ALKBH7: variants seen among roughly 807,000 people sequenced by gnomAD.
The protein encoded by ALKBH7 is alkB homolog 7, RNA demethylase.
A neutral mutation model predicts 19.3 loss-of-function variants in ALKBH7; 21 were observed. The observed-to-expected ratio is 1.09, with a 90% CI of 0.77 to 1.56. ALKBH7 has a LOEUF of 1.56. Among genes scored for constraint, ALKBH7 ranks in the 40% most tolerant of loss-of-function variants. The pLI is 0.00. For synonymous variants in ALKBH7, 147 were observed against 139.5 expected (o/e 1.05, Z -0.38); for missense variants, 354 against 311.4 (o/e 1.14, Z -1.03).
chr19:6,373,598 G>T, intron 1 of ALKBH7: 13 of 1,225,888 alleles, frequency 1.1e-5, no homozygotes, highest in Non-Finnish European at 1.2e-5. Flanking sequence ...AGCTTGGGGC[G>T]GGGTCCGTGG....
At position 6,375,249 on chromosome 19, in the gene ALKBH7, G is replaced by A. The variant is rs949700043; in HGVS notation, c.*276G>A. ...CAGGTCTCCAATAAATAAGTCAGCC[G>A]AGCTCCCCCAGCACTGCAGCTTCTG... On this transcript the variant is annotated 3_prime_UTR_variant, in exon 4 of 4. Transcript: ENST00000245812. 5.0e-6 allele frequency: 7 copies of A among 1,393,868 alleles called. No individual in the cohort carries two copies. The African/African-American group carries it at 6.0e-5, about 12-fold the overall frequency. The allele number at this position is 1,393,868 out of a possible 1,614,324, so 86.3% of individuals were successfully genotyped here.
At position 6,372,800 on chromosome 19, in the gene ALKBH7, T is replaced by A; in HGVS notation, c.-21T>A. On this transcript the variant is annotated 5_prime_UTR_variant, in exon 1 of 4. Coordinates refer to ENST00000245812, the MANE Select transcript of ALKBH7 (RefSeq NM_032306.4). ...GGGCGTTCCCCAACCCTGCCCTCTCTCATGACCCCGCTCCGGGATTATGGC... is the reference window on the plus strand; with the variant it reads ...GGGCGTTCCCCAACCCTGCCCTCTCACATGACCCCGCTCCGGGATTATGGC... 6.5e-7 allele frequency: 1 copy of A among 1,535,852 alleles called. No homozygotes were observed. The highest frequency in any genetic ancestry group is 1.4e-5 in the African/African-American group (1 of 73,092).
At position 6,374,896 on chromosome 19, in the gene ALKBH7, C is replaced by G. The variant is rs377096824; in HGVS notation, c.589C>G (p.Arg197Gly). 10 of 1,613,968 alleles carry G rather than the reference C, an allele frequency of 6.2e-6. No homozygotes were observed. The African/African-American group carries it at 1.1e-4, about 17-fold the overall frequency. ...GGAACGCCGGATTCCCCGGGGCCGG[C>G]GCATCTCCGTGATCTGCCGCTCCCT... ...FGERRIPRGR[R>G]ISVICRSLPE... is the part of the protein sequence containing the mutation. The change falls in exon 4 of 4, where the codon CGC becomes GGC. Residue 197 changes from arginine (R) to glycine (G), a missense_variant. Arg to Gly is a moderately radical substitution (Grantham distance 125). Coordinates refer to ENST00000245812, the MANE Select transcript of ALKBH7 (RefSeq NM_032306.4).
Position 6,373,672 on chromosome 19 carries a change from A to T in ALKBH7, c.205-531A>T. On this transcript the variant is annotated intron_variant, in intron 1 of 3. Transcript: ENST00000245812. ...GGGACGGGGAAGTCGAGGTTTAGAGAGGGCAGAACCACGCTGGGGGCGGAG... is the reference window on the plus strand; with the variant it reads ...GGGACGGGGAAGTCGAGGTTTAGAGTGGGCAGAACCACGCTGGGGGCGGAG... The T allele has an allele frequency of 2.5e-5, 28 of 1,133,740 alleles. 1 individual carries two copies. Among genetic ancestry groups the T allele is most frequent in the Non-Finnish European group, 3.0e-5 (28 of 939,496 alleles). The allele number at this position is 1,133,740 out of a possible 1,614,324, so 70.2% of individuals were successfully genotyped here.
intron 1 of ALKBH7, 36 bp from the exon 2 acceptor site, chr19:6,374,167 T>C: frequency 6.3e-7 from 1 of 1,598,582 alleles, no homozygotes; most frequent in Non-Finnish European, 8.5e-7. Flanking sequence ...TTGTTCCCTC[T>C]GGGAGCTCCC....
Position 6,372,872 on chromosome 19 carries a change from G to A in ALKBH7, c.52G>A (p.Val18Met), listed in dbSNP as rs2091897485. Residue 18 changes from valine to methionine, a missense_variant, in exon 1 of 4, where the codon GTG (valine) becomes ATG (methionine). Transcript: ENST00000245812. ...GCGGACGCTGCCAGGGCCCAGCTGG[G>A]TGCGAGGCTCGGGCCCTTCCGTGCT... ...ALRTLPGPSW[V>M]RGSGPSVLSR... 6.4e-7 allele frequency: 1 copy of A among 1,550,964 alleles called. No homozygotes were observed. Among genetic ancestry groups the A allele is most frequent in the Non-Finnish European group, 8.7e-7 (1 of 1,151,276 alleles).
At chr19:6,373,626 G>A (rs1283726098) in intron 1 of ALKBH7, 2 of 1,250,838 alleles carry the variant, frequency 1.6e-6, no homozygotes, top group Admixed American at 4.1e-5. Context: ...CGCCGGGATG[G>A]GTTGGGGCCA....
In ALKBH7 at chr19:6,374,196, T is replaced by C; in HGVS notation, c.205-7T>C. ...AGCTCCCAGGCTTAACCGAGCTCTC[T>C]GTGCAGGCCATCCACGGCTTCCGAG... On this transcript the variant is annotated splice_region_variant and splice_polypyrimidine_tract_variant and intron_variant, in intron 1 of 3. Transcript: ENST00000245812. 1 of 1,611,278 alleles carries C rather than the reference T, an allele frequency of 6.2e-7. No homozygotes were observed. Among genetic ancestry groups the C allele is most frequent in the Non-Finnish European group, 8.5e-7 (1 of 1,179,224 alleles).
chr19:6,374,576 C>G lies in ALKBH7; in HGVS notation c.490C>G (p.Leu164Val), dbSNP rs1361365296. ...GGAACTCTTGCTGGAGCCGGGCTCCCTCTACATCCTTAGGTACCTCCATCC... is the reference window on the plus strand; with the variant it reads ...GGAACTCTTGCTGGAGCCGGGCTCCGTCTACATCCTTAGGTACCTCCATCC... ...WLELLLEPGSLYILRGSARYD... is the reference protein window; with the variant it reads ...WLELLLEPGSVYILRGSARYD... Residue 164 changes from leucine (L) to valine (V), a missense_variant, in exon 3 of 4, where the codon CTC becomes GTC. Transcript: ENST00000245812. 6.2e-7 allele frequency: 1 copy of G among 1,613,306 alleles called. No homozygotes were observed. Among genetic ancestry groups the G allele is most frequent in the Admixed American group, 1.7e-5 (1 of 59,992 alleles).
In ALKBH7 at chr19:6,375,049, C is replaced by T; in HGVS notation, c.*76C>T. On this transcript the variant is annotated 3_prime_UTR_variant, in exon 4 of 4. Coordinates refer to ENST00000245812, the MANE Select transcript of ALKBH7 (RefSeq NM_032306.4). The stretch of plus-strand genomic sequence containing the variant: ...CAGCCTAACTGGGACATTGCAGTGG[C>T]TGCTTGCTGGGGCCGGGATTTGCAG... 1 of 1,498,604 alleles carries T rather than the reference C, an allele frequency of 6.7e-7. No homozygotes were observed. The highest frequency in any genetic ancestry group is 8.9e-7 in the Non-Finnish European group (1 of 1,125,836). The allele number at this position is 1,498,604 out of a possible 1,614,324, so 92.8% of individuals were successfully genotyped here. A position where few individuals can be genotyped will look rare whatever the true frequency, so the allele number is the denominator to read the frequency against.
intron 2 of ALKBH7, 37 bp downstream of exon 2, chr19:6,374,413 G>A: frequency 6.2e-7 from 1 of 1,604,064 alleles, no homozygotes; most frequent in Non-Finnish European, 8.5e-7. Context: ...TCCCAGCCAG[G>A]GGGTAGGCAG....
At chr19:6,374,169 G>T (rs941335720) in intron 1 of ALKBH7, 34 bp from the exon 2 acceptor site, 3 of 1,597,850 alleles carry the variant, frequency 1.9e-6, no homozygotes, top group Non-Finnish European at 2.6e-6. Flanking sequence ...GTTCCCTCTG[G>T]GAGCTCCCAG....
chr19:6,373,056 G>T, intron 1 of ALKBH7, 32 bp downstream of exon 1: 1 of 1,535,732 alleles, frequency 6.5e-7, no homozygotes, highest in East Asian at 2.4e-5. Context: ...GCGAGGGACG[G>T]GGGCTCGTCG....
rs1444165041 is a variant in ALKBH7, at chr19:6,374,944, G to T, written c.637G>T (p.Glu213Ter). 6.2e-7 allele frequency: 1 copy of T among 1,607,802 alleles called. No homozygotes were observed. The highest frequency in any genetic ancestry group is 1.3e-5 in the African/African-American group (1 of 74,846). Residue 213 changes from glutamate (E) to a stop codon, truncating the protein, a stop_gained, in exon 4 of 4, where the codon GAG becomes TAG. Coordinates refer to ENST00000245812, the MANE Select transcript of ALKBH7 (RefSeq NM_032306.4). LOFTEE classifies it high-confidence loss of function. ...CCTCCCTGAGGGCATGGGGCCAGGG[G>T]AGTCTGGACAGCCGCCCCCAGCCTG... ...RSLPEGMGPG[E>*]SGQPPPAC
chr19:6,372,802 A>G lies in ALKBH7; in HGVS notation c.-19A>G. ...GCGTTCCCCAACCCTGCCCTCTCTCATGACCCCGCTCCGGGATTATGGCCG... is the reference window on the plus strand; with the variant it reads ...GCGTTCCCCAACCCTGCCCTCTCTCGTGACCCCGCTCCGGGATTATGGCCG... On this transcript the variant is annotated 5_prime_UTR_variant, in exon 1 of 4. The change abolishes an upstream ATG in the 5' untranslated region. Transcript: ENST00000245812. The G allele has an allele frequency of 6.5e-7, 1 of 1,536,242 alleles. No individual in the cohort carries two copies. Among genetic ancestry groups the G allele is most frequent in the Non-Finnish European group, 8.7e-7 (1 of 1,146,852 alleles).
At chr19:6,373,585 C>T (rs2091903634) in intron 1 of ALKBH7, 1 of 1,192,480 alleles carries the variant, frequency 8.4e-7, no homozygotes. Flanking sequence ...TGGGGCGGGG[C>T]CAAGCTTGGG....
At chr19:6,374,399 G>A (rs371738139) in intron 2 of ALKBH7, 23 bp downstream of exon 2, 12 of 1,603,288 alleles carry the variant, frequency 7.5e-6, no homozygotes, top group Non-Finnish European at 1.0e-5. Context: ...CGGTGCCTTG[G>A]CACTCCCAGC....
intron 1 of ALKBH7, chr19:6,373,577 G>T: frequency 8.6e-7 from 1 of 1,166,542 alleles, no homozygotes; most frequent in South Asian, 3.7e-5. Context: ...CGCATGGATG[G>T]GGCGGGGCCA....
chr19:6,375,227 G>T lies in ALKBH7; in HGVS notation c.*254G>T. 1 of 1,381,102 alleles carries T rather than the reference G, an allele frequency of 7.2e-7. No homozygotes were observed. The highest frequency in any genetic ancestry group is 9.3e-7 in the Non-Finnish European group (1 of 1,071,020). 85.6% of individuals were successfully genotyped at this position (1,381,102 alleles called of 1,614,324 possible). A position where few individuals can be genotyped will look rare whatever the true frequency, so the allele number is the denominator to read the frequency against. ...CCCTCCTCGTTGTCTCTGCATCCAG[G>T]TCTCCAATAAATAAGTCAGCCGAGC... On this transcript the variant is annotated 3_prime_UTR_variant, in exon 4 of 4. Coordinates refer to ENST00000245812, the MANE Select transcript of ALKBH7 (RefSeq NM_032306.4).
Sources: allele counts gnomAD v4.1 joint callset, GRCh38; gene constraint gnomAD v4.1.1; transcripts MANE v1.5; gene names NCBI Gene and HGNC (gene_info 2026-07-23, HGNC 2026-07-21).